TNS2: variants seen among roughly 807,000 people sequenced by gnomAD.
The protein encoded by TNS2 is tensin-2.
TNS2 carries 77 observed loss-of-function variants against 155.7 expected under a neutral mutation model. The ratio of observed to expected loss-of-function variants is 0.49; its 90% CI spans 0.41 to 0.60. The LOEUF is 0.60. Ranked by LOEUF, TNS2 falls within the 20% of genes least tolerant of loss-of-function variation. The pLI, the probability that TNS2 is intolerant of heterozygous loss-of-function variation, is 0.00. For missense variants in TNS2, 1,703 were observed against 1,868.8 expected (o/e 0.91, Z 1.64); for synonymous variants, 726 against 763.9 (o/e 0.95, Z 0.82).
Position 53,058,060 on chromosome 12 carries a change from C to T in TNS2, c.1053C>T (p.Cys351=), listed in dbSNP as rs1944222706. 6.2e-7 allele frequency: 1 copy of T among 1,614,174 alleles called. No homozygotes were observed. Among genetic ancestry groups the T allele is most frequent in the Non-Finnish European group, 8.5e-7 (1 of 1,180,042 alleles). ...HIAGPGPQQL[C]ISLEPALLLK... ...CAGGCCCTGGTCCCCAGCAGCTTTG[C>T]ATCAGCCTGGAGCCAGCCCTCCTCC... is the stretch of plus-strand genomic sequence containing the variant. Residue 351 remains cysteine (C), a synonymous_variant, in exon 14 of 29, where the codon TGC becomes TGT. Coordinates refer to ENST00000314250, the MANE Select transcript of TNS2 (RefSeq NM_170754.4).
In TNS2 at chr12:53,060,275, T is replaced by G. The variant is rs1944334214; in HGVS notation, c.2617+17T>G. 6.5e-7 allele frequency: 1 copy of G among 1,535,916 alleles called. No homozygotes were observed. The highest frequency in any genetic ancestry group is 1.2e-5 in the South Asian group (1 of 80,834). ...CATCTGCAGGTGAGGGGCACCAGAG[T>G]GCGGAGTGCCCAGGGCAGAGGAGGT... On this transcript the variant is annotated intron_variant, in intron 18 of 28. Coordinates refer to ENST00000314250, the MANE Select transcript of TNS2 (RefSeq NM_170754.4). The surrounding 1 kb of genome is among the most constrained non-coding windows in gnomAD (Gnocchi z 6.1).
chr12:53,050,264 G>A lies in TNS2; in HGVS notation c.75+4G>A. 6.2e-7 allele frequency: 1 copy of A among 1,603,078 alleles called. No individual in the cohort carries two copies. The highest frequency in any genetic ancestry group is 8.5e-7 in the Non-Finnish European group (1 of 1,175,440). On this transcript the variant is annotated splice_donor_region_variant and intron_variant, in intron 1 of 28. Transcript: ENST00000314250. This position sits in a 1 kb window ranked among gnomAD's most constrained non-coding sequence, Gnocchi z 4.7. Reference sequence around the variant, plus strand: ...CAGCAGCCGGGCCGCAAGCAGGGTAGGAGTGCCCACCAGCTGGGCAAAAGA... The same window carrying A: ...CAGCAGCCGGGCCGCAAGCAGGGTAAGAGTGCCCACCAGCTGGGCAAAAGA...
Position 53,055,549 on chromosome 12 carries a change from A to C in TNS2, c.574-19A>C. On this transcript the variant is annotated intron_variant, in intron 8 of 28. Transcript: ENST00000314250. Reference sequence around the variant, plus strand: ...GTTGGTGGCCCCCGGCCCCAGTTGCACCCCTGCATTCTCCCCAGGTTCAAG... The same window carrying C: ...GTTGGTGGCCCCCGGCCCCAGTTGCCCCCCTGCATTCTCCCCAGGTTCAAG... The C allele has an allele frequency of 6.3e-7, 1 of 1,584,470 alleles. No homozygotes were observed. The highest frequency in any genetic ancestry group is 8.6e-7 in the Non-Finnish European group (1 of 1,161,364).
At position 53,058,443 on chromosome 12, in the gene TNS2, C is replaced by A; in HGVS notation, c.1223C>A (p.Thr408Asn). 6.2e-7 allele frequency: 1 copy of A among 1,614,184 alleles called. No homozygotes were observed. The highest frequency in any genetic ancestry group is 8.5e-7 in the Non-Finnish European group (1 of 1,180,018). Residue 408 changes from threonine (T) to asparagine (N), a missense_variant and splice_region_variant, in exon 15 of 29, where the codon ACT becomes AAT. Coordinates refer to ENST00000314250, the MANE Select transcript of TNS2 (RefSeq NM_170754.4). ...AAGGACCAGCTTGACGAGGCCTGGA[C>A]TGGTGAGTCTGAGACAAGTGGCCTG... ...FPKDQLDEAW[T>N]DERFPFQASV...
At chr12:53,055,154 T>C in intron 7 of TNS2, 32 bp from the exon 8 acceptor site, 1 of 1,612,886 alleles carries the variant, frequency 6.2e-7, no homozygotes. Flanking sequence ...CCGGAGATCA[T>C]TTCTGTCTAA....
At position 53,052,566 on chromosome 12, in the gene TNS2, C is replaced by T. The variant is rs1943977178; in HGVS notation, c.222+74C>T. ...CCTCCTCCCAAACAGGCTTCTGCAA[C>T]CACACTGGCATCAACCCTCCACCTC... On this transcript the variant is annotated intron_variant, in intron 3 of 28. Transcript: ENST00000314250. 7.6e-6 allele frequency: 12 copies of T among 1,588,016 alleles called. No homozygotes were observed. The East Asian group carries it at 2.5e-4, about 33-fold the overall frequency.
chr12:53,056,083 C>T (rs929407318), intron 10 of TNS2: 18 of 454,478 alleles, frequency 4.0e-5, no homozygotes, highest in Middle Eastern at 6.0e-4. Flanking sequence ...GGGCCGGGTG[C>T]GTTGGCTCAC....
At chr12:53,051,245 A>C (rs942731124) in intron 1 of TNS2, among the ~76,000 whole-genome samples, 1 of 152,162 alleles carries the variant, frequency 6.6e-6, no homozygotes, top group African/African-American at 2.4e-5. Flanking sequence ...ACAGGCTTCT[A>C]TCTGTTTCCC....
chr12:53,051,081 C>T (rs1943913593), intron 1 of TNS2, among the ~76,000 whole-genome samples: 1 of 152,216 alleles, frequency 6.6e-6, no homozygotes, highest in East Asian at 1.9e-4. Context: ...GCATCCCAGG[C>T]TCCTGCCTCA....
chr12:53,051,519 G>GTT (rs35556959), intron 1 of TNS2, among the ~76,000 whole-genome samples: 57,179 of 151,932 alleles, frequency 0.38, 11,977 homozygotes, highest in East Asian at 0.88. Context: ...GATGGGAAGA[G>GTT]TCAGGGAGTA....
chr12:53,048,624 G>A (rs1052125392), upstream of TNS2, among the ~76,000 whole-genome samples: 1 of 152,198 alleles, frequency 6.6e-6, no homozygotes, highest in Admixed American at 6.5e-5. Context: ...GTTACAGGCA[G>A]GGAGCCCAGG....
In TNS2 at chr12:53,058,349, G is replaced by C; in HGVS notation, c.1129G>C (p.Asp377His). ...TCYHKGGRGT[D>H]RTLVFRVQFH... ...TTATCACAAGGGTGGCCGGGGCACAGACCGGACCCTCGTGTTCCGAGTCCA... is the reference window on the plus strand; with the variant it reads ...TTATCACAAGGGTGGCCGGGGCACACACCGGACCCTCGTGTTCCGAGTCCA... The change falls in exon 15 of 29, where the codon GAC (aspartate) becomes CAC (histidine). Residue 377 changes from aspartate to histidine, a missense_variant. Coordinates refer to ENST00000314250, the MANE Select transcript of TNS2 (RefSeq NM_170754.4). 6.8e-6 allele frequency: 11 copies of C among 1,614,194 alleles called. No individual in the cohort carries two copies. The highest frequency in any genetic ancestry group is 9.3e-6 in the Non-Finnish European group (11 of 1,180,028).
rs370199239 is a variant in TNS2 at position 53,059,125 on chromosome 12, C to T, written c.1484C>T (p.Pro495Leu). 5.7e-6 allele frequency: 9 copies of T among 1,574,930 alleles called. No individual in the cohort carries two copies. The highest frequency in any genetic ancestry group is 5.4e-5 in the African/African-American group (4 of 73,592). The change falls in exon 18 of 29, where the codon CCG (proline) becomes CTG (leucine). Residue 495 changes from proline (P) to leucine (L), a missense_variant. Transcript: ENST00000314250. The surrounding 1 kb of genome is among the most constrained non-coding windows in gnomAD (Gnocchi z 4.7). ...CAGCGGCCTCCCCGGCAGACCCCCC[C>T]GGCACCCTCTCCAGAGCCTCCACCA... The part of the protein sequence containing the change: ...QVQRPPRQTP[P>L]APSPEPPPPP...
In TNS2 at chr12:53,059,105, G is replaced by T. The variant is rs1170189853; in HGVS notation, c.1464G>T (p.Arg488=). 1.3e-6 allele frequency: 2 copies of T among 1,548,566 alleles called. No individual in the cohort carries two copies. The highest frequency in any genetic ancestry group is 2.8e-5 in the African/African-American group (2 of 72,380). The part of the protein sequence containing the change: ...LDGSPYAQVQ[R]PPRQTPPAPS... ...GCAGTCCTTATGCCCAGGTGCAGCGGCCTCCCCGGCAGACCCCCCCGGCAC... is the reference window on the plus strand; with the variant it reads ...GCAGTCCTTATGCCCAGGTGCAGCGTCCTCCCCGGCAGACCCCCCCGGCAC... The change falls in exon 18 of 29, where the codon CGG becomes CGT. Residue 488 remains arginine (R), a synonymous_variant. Coordinates refer to ENST00000314250, the MANE Select transcript of TNS2 (RefSeq NM_170754.4). The surrounding 1 kb of genome is among the most constrained non-coding windows in gnomAD (Gnocchi z 4.7).
chr12:53,049,957 C>T, upstream of TNS2: 1 of 1,157,802 alleles, frequency 8.6e-7, no homozygotes, highest in South Asian at 1.6e-5. Context: ...ATCTGATCTC[C>T]TGGCCTCCCC....
Position 53,062,714 on chromosome 12 carries a change from C to T in TNS2, c.3823+17C>T. On this transcript the variant is annotated intron_variant, in intron 25 of 28. Transcript: ENST00000314250. ...AGGGTGCTGGTAGAGACTTCCCCTC[C>T]ACTCCCCTCCCTCTCCCTGGGCACC... The T allele has an allele frequency of 1.2e-6, 2 of 1,613,238 alleles. No homozygotes were observed.
At chr12:53,062,077 C>T (rs913034017) in intron 22 of TNS2, 76 bp from the exon 23 acceptor site, 16 of 1,610,470 alleles carry the variant, frequency 9.9e-6, no homozygotes, top group East Asian at 4.5e-5. Flanking sequence ...CTCAGCTGCT[C>T]GGGAAAGAAT....
Position 53,063,719 on chromosome 12 carries a change from C to T in TNS2, c.4092-25C>T. 6.2e-7 allele frequency: 1 copy of T among 1,613,824 alleles called. No individual in the cohort carries two copies. The highest frequency in any genetic ancestry group is 8.5e-7 in the Non-Finnish European group (1 of 1,179,782). On this transcript the variant is annotated intron_variant, in intron 28 of 28. Transcript: ENST00000314250. The surrounding 1 kb of genome is among the most constrained non-coding windows in gnomAD (Gnocchi z 5.6). ...TCCCTTGTGGAAGGAATGTTAAGCC[C>T]CTTCCCCACCCTTTATCCCCCTAGG... is the stretch of plus-strand genomic sequence containing the variant.
rs1447367863 is a variant in TNS2, at chr12:53,050,237, G to A, written c.52G>A (p.Asp18Asn). 1 of 1,609,556 alleles carries A rather than the reference G, an allele frequency of 6.2e-7. No homozygotes were observed. Among genetic ancestry groups the A allele is most frequent in the Non-Finnish European group, 8.5e-7 (1 of 1,178,890 alleles). ...GCTGCTCAGAGCCCTGGGGAGGAGG[G>A]ACAGCAGCCGGGCCGCAAGCAGGGT... ...ERLLRALGRR[D>N]SSRAASRPRK... The change falls in exon 1 of 29, where the codon GAC becomes AAC. Residue 18 changes from aspartate (D) to asparagine (N), a missense_variant. Physicochemically the swap from Asp to Asn is conservative, Grantham distance 23. Transcript: ENST00000314250. The surrounding 1 kb of genome is among the most constrained non-coding windows in gnomAD (Gnocchi z 4.7).
Sources: gnomAD v4.1 joint callset for allele counts (sites outside exome capture counted in the v4.1 genomes callset) on GRCh38, gnomAD v4.1.1 for gene constraint, Gnocchi (gnomAD v3.1) non-coding constraint, MANE v1.5 for transcripts, NCBI Gene and HGNC (gene_info 2026-07-23, HGNC 2026-07-21) for gene names.